LRP1B: variants seen among roughly 807,000 people sequenced by gnomAD.
LRP1B encodes the protein low-density lipoprotein receptor-related protein 1B.
Under a neutral mutation model 556.6 loss-of-function variants are expected in LRP1B, and 217 were observed. The observed-to-expected ratio is 0.39, with a 90% CI of 0.35 to 0.44. The LOEUF (loss-of-function observed/expected upper bound fraction) is 0.44, where lower values mean the gene tolerates loss of function less well. LRP1B is among the 20% of genes least tolerant of loss of function. LRP1B has a pLI of 1.00. For missense variants in LRP1B, 5,053 were observed against 5,620.8 expected (o/e 0.90, Z 3.23); for synonymous variants, 2,047 against 1,865.8 (o/e 1.10, Z -2.50).
At chr2:140,789,618 CTTTTTTTTTTTTTT>C (rs756120273) in intron 32 of LRP1B, among the ~76,000 whole-genome samples, 5,714 of 71,794 alleles carry the variant, frequency 0.08, 200 homozygotes, top group Non-Finnish European at 0.089. Flanking sequence ...GCTTTAAGGA[CTTTTTTTTTTTTTT>C]TTTTTTTTTT....
At chr2:140,614,194 T>C (rs1683179618) in intron 41 of LRP1B, among the ~76,000 whole-genome samples, 1 of 152,110 alleles carries the variant, frequency 6.6e-6, no homozygotes, top group Admixed American at 6.6e-5. Context: ...CAAATCAAAG[T>C]TGACTTTAGT....
At chr2:140,686,765 G>A (rs116283415) in intron 41 of LRP1B, among the ~76,000 whole-genome samples, 2,902 of 152,032 alleles carry the variant, frequency 0.019, 97 homozygotes, top group Admixed American at 0.074. Flanking sequence ...TAATGATTGA[G>A]CTCTCTAAGA....
chr2:141,116,542 T>C (rs7562321), intron 7 of LRP1B, among the ~76,000 whole-genome samples: 3,264 of 152,266 alleles, frequency 0.021, 119 homozygotes, highest in African/African-American at 0.074. Context: ...TTCCCAGTTT[T>C]AATTACTAAC....
At chr2:141,370,987 CT>C (rs1444679831) in intron 3 of LRP1B, among the ~76,000 whole-genome samples, 1 of 151,956 alleles carries the variant, frequency 6.6e-6, no homozygotes, top group Non-Finnish European at 1.5e-5. Flanking sequence ...GTTCTCTTTT[CT>C]TTTCTTTCTT....
At chr2:140,439,765 A>T (rs1167360528) in intron 66 of LRP1B, among the ~76,000 whole-genome samples, 1 of 152,100 alleles carries the variant, frequency 6.6e-6, no homozygotes, top group Non-Finnish European at 1.5e-5. Flanking sequence ...AGATTAGTAT[A>T]TAATTTTTCC....
intron 1 of LRP1B, among the ~76,000 whole-genome samples, chr2:142,116,336 C>A (rs1385004346): frequency 6.6e-6 from 1 of 151,834 alleles, no homozygotes; most frequent in Non-Finnish European, 1.5e-5. Context: ...GACAAGAATG[C>A]ATAATTTCCA....
intron 25 of LRP1B, among the ~76,000 whole-genome samples, chr2:140,883,212 C>T (rs538774491): frequency 4.6e-5 from 7 of 152,192 alleles, no homozygotes; most frequent in East Asian, 1.9e-4. Context: ...TCCTTCACAA[C>T]GGAACACAAA....
At chr2:141,153,941 T>A (rs978705387) in intron 7 of LRP1B, among the ~76,000 whole-genome samples, 1 of 151,590 alleles carries the variant, frequency 6.6e-6, no homozygotes, top group African/African-American at 2.4e-5. Context: ...TTAACTATTG[T>A]TATTTGTTGG....
intron 1 of LRP1B, among the ~76,000 whole-genome samples, chr2:141,911,533 T>G (rs1247150585): frequency 6.6e-6 from 1 of 152,146 alleles, no homozygotes; most frequent in Non-Finnish European, 1.5e-5. Flanking sequence ...ATATCCCAAA[T>G]AAGCAGAATT....
Position 141,279,174 on chromosome 2 carries a change from C to T in LRP1B, c.344-24533G>A, listed in dbSNP as rs1201926812. Among the ~76,000 whole-genome samples the T allele has an allele frequency of 4.7e-5, 7 of 149,882 alleles. No homozygotes were observed. The South Asian group carries it at 8.4e-4, about 18-fold the overall frequency. ...GTATCTTATACAAACCATACAGAAACGAAGCAAAAAAAAAGGTTGAAAAGA... is the reference window on the plus strand; with the variant it reads ...GTATCTTATACAAACCATACAGAAATGAAGCAAAAAAAAAGGTTGAAAAGA... On this transcript the variant is annotated intron_variant, in intron 3 of 90. Transcript: ENST00000389484.
At chr2:142,038,874 G>A (rs1455580914) in intron 1 of LRP1B, among the ~76,000 whole-genome samples, 1 of 151,566 alleles carries the variant, frequency 6.6e-6, no homozygotes, top group Non-Finnish European at 1.5e-5. Context: ...AGAAAAGACT[G>A]GAGCGTAGTG....
chr2:141,182,363 T>C (rs574490557), intron 7 of LRP1B, among the ~76,000 whole-genome samples: 8 of 152,050 alleles, frequency 5.3e-5, no homozygotes, highest in African/African-American at 1.9e-4. Flanking sequence ...TGTCATTATG[T>C]TGCATCAATA....
chr2:141,109,070 G>T (rs1008319494), intron 7 of LRP1B, among the ~76,000 whole-genome samples: 4 of 152,110 alleles, frequency 2.6e-5, no homozygotes, highest in African/African-American at 9.7e-5. Context: ...ACCTAAGATT[G>T]GTCTTGTAAG....
At chr2:141,666,014 A>C (rs943217919) in intron 2 of LRP1B, among the ~76,000 whole-genome samples, 4 of 152,190 alleles carry the variant, frequency 2.6e-5, no homozygotes, top group Non-Finnish European at 2.9e-5. Flanking sequence ...TAGCTAATGC[A>C]TGCTGGGCTT....
At chr2:140,682,813 G>A (rs1685909978) in intron 41 of LRP1B, among the ~76,000 whole-genome samples, 1 of 152,068 alleles carries the variant, frequency 6.6e-6, no homozygotes, top group Non-Finnish European at 1.5e-5. Flanking sequence ...TGAGACAAGA[G>A]ACAGAATGGC....
chr2:142,122,108 G>A (rs1707477540), intron 1 of LRP1B, among the ~76,000 whole-genome samples: 3 of 152,020 alleles, frequency 2.0e-5, no homozygotes, highest in Admixed American at 2.0e-4. Context: ...TCTCAGAATG[G>A]GTCGGAGCAA....
At chr2:141,044,940 A>G (rs909930171) in intron 11 of LRP1B, among the ~76,000 whole-genome samples, 1 of 151,072 alleles carries the variant, frequency 6.6e-6, no homozygotes, top group Non-Finnish European at 1.5e-5. Flanking sequence ...AAAGGACTAT[A>G]AATCATGCTG....
At position 140,536,567 on chromosome 2, in the gene LRP1B, T is replaced by C. The variant is rs2105003025; in HGVS notation, c.7642+14A>G. On this transcript the variant is annotated intron_variant, in intron 46 of 90. Coordinates refer to ENST00000389484, the MANE Select transcript of LRP1B (RefSeq NM_018557.3). Reference sequence around the variant, plus strand: ...ACTTTATCTGAAACGAGCAAACCCATATTGGACACTTACCACAGTAGAGCA... The same window carrying C: ...ACTTTATCTGAAACGAGCAAACCCACATTGGACACTTACCACAGTAGAGCA... 6.2e-7 allele frequency: 1 copy of C among 1,601,818 alleles called. No homozygotes were observed. The highest frequency in any genetic ancestry group is 8.5e-7 in the Non-Finnish European group (1 of 1,175,998).
intron 1 of LRP1B, among the ~76,000 whole-genome samples, chr2:142,087,858 C>G (rs990407633): frequency 6.6e-6 from 1 of 152,058 alleles, no homozygotes. Context: ...AGAACACTAT[C>G]TCTTCCTGCT....
Sources: allele counts gnomAD v4.1 joint callset (sites outside exome capture counted in the v4.1 genomes callset), GRCh38; gene constraint gnomAD v4.1.1; transcripts MANE v1.5; gene names NCBI Gene and HGNC (gene_info 2026-07-23, HGNC 2026-07-21).